The following INO80D variants were observed in gnomAD, a reference collection of about 807,000 sequenced individuals.
The protein encoded by INO80D is INO80 complex subunit D.
INO80D carries 21 observed loss-of-function variants against 87.6 expected under a neutral mutation model. That is an observed-to-expected ratio of 0.24 (90% CI 0.17 to 0.35). The LOEUF (loss-of-function observed/expected upper bound fraction) is 0.35. Among genes scored for constraint, INO80D ranks in the 10% least tolerant of loss-of-function variants. The pLI is 1.00. For missense variants in INO80D, 982 were observed against 1,280.7 expected, an observed-to-expected ratio of 0.77 and a Z score of 3.56; for synonymous variants, 440 against 491.0, an observed-to-expected ratio of 0.90 and a Z score of 1.37.
chr2:206,014,894 A>T (rs905972701), intron 8 of INO80D, among the ~76,000 whole-genome samples: 1 of 152,220 alleles, frequency 6.6e-6, no homozygotes, highest in African/African-American at 2.4e-5. Context: ...AGTGATATGG[A>T]CAATGAAATC....
At chr2:206,018,895 C>A (rs2105816954) in intron 7 of INO80D, among the ~76,000 whole-genome samples, 1 of 152,246 alleles carries the variant, frequency 6.6e-6, no homozygotes, top group Admixed American at 6.5e-5. Context: ...AGAGTGAGAT[C>A]CTGCCTCTAA....
chr2:206,042,700 T>C (rs1198259785), intron 5 of INO80D, among the ~76,000 whole-genome samples: 2 of 146,458 alleles, frequency 1.4e-5, no homozygotes, highest in Admixed American at 6.8e-5. Flanking sequence ...AAAAAGCCTT[T>C]AGGGCTGGGT....
chr2:206,064,258 C>T (rs1003640529), intron 1 of INO80D, among the ~76,000 whole-genome samples: 5 of 152,304 alleles, frequency 3.3e-5, no homozygotes, highest in African/African-American at 1.2e-4. Flanking sequence ...TACCAATCTA[C>T]ACGCAAAAGG....
intron 5 of INO80D, among the ~76,000 whole-genome samples, chr2:206,044,481 T>TAAAAA (rs55925923): frequency 5.1e-4 from 57 of 112,516 alleles, no homozygotes; most frequent in East Asian, 1.0e-3. Context: ...AAATACCTGT[T>TAAAAA]AAAAAAAAAA....
chr2:206,044,761 G>C (rs763188820), intron 5 of INO80D, among the ~76,000 whole-genome samples: 2 of 152,142 alleles, frequency 1.3e-5, no homozygotes, highest in Non-Finnish European at 2.9e-5. Context: ...ATTAAATTAA[G>C]AATGATAACT....
chr2:206,061,938 C>T (rs1689701063), intron 3 of INO80D, among the ~76,000 whole-genome samples: 1 of 152,144 alleles, frequency 6.6e-6, no homozygotes. Flanking sequence ...ATGTATCTCT[C>T]CATGAAGCCC....
Position 206,046,875 on chromosome 2 carries a change from G to A in INO80D, c.965-263C>T, listed in dbSNP as rs547582955. On this transcript the variant is annotated intron_variant, in intron 4 of 10. Transcript: ENST00000403263. ...TGGCTCACTGCAACCTCTGCCTCCC[G>A]GGTTCAGCGATTCTCCTGTCTCGGC... Among the ~76,000 whole-genome samples, 125 of 151,874 alleles carry A rather than the reference G, an allele frequency of 8.2e-4. 1 individual carries two copies. The highest frequency in any genetic ancestry group is 3.4e-3 in the Middle Eastern group (1 of 294).
At position 206,080,579 on chromosome 2, in the gene INO80D, T is replaced by C. The variant is rs1690248510; in HGVS notation, c.-124+5322A>G. On this transcript the variant is annotated intron_variant, in intron 1 of 10. Coordinates refer to ENST00000403263, the MANE Select transcript of INO80D (RefSeq NM_017759.5). ...ACTTATTAGTATTATTAATATATAC[T>C]GAGGCAAGAACTCATTAAAAATTCA... is the stretch of plus-strand genomic sequence containing the variant. Among the ~76,000 whole-genome samples the C allele has an allele frequency of 2.0e-5, 3 of 152,278 alleles. No individual in the cohort carries two copies. The South Asian group carries it at 6.2e-4, about 32-fold the overall frequency.
intron 5 of INO80D, among the ~76,000 whole-genome samples, chr2:206,029,304 G>GA (rs1430892333): frequency 6.6e-6 from 1 of 152,170 alleles, no homozygotes; most frequent in Non-Finnish European, 1.5e-5. Context: ...TGTCCTGGCT[G>GA]AAATGCTATG....
intron 3 of INO80D, among the ~76,000 whole-genome samples, chr2:206,060,856 G>A (rs908135786): frequency 4.6e-5 from 7 of 151,016 alleles, no homozygotes; most frequent in South Asian, 2.1e-4. Context: ...CACCGTGCCC[G>A]GCAACTTAGT....
chr2:206,022,271 G>C (rs568630610), intron 6 of INO80D, among the ~76,000 whole-genome samples: 1 of 152,090 alleles, frequency 6.6e-6, no homozygotes, highest in South Asian at 2.1e-4. Context: ...GGAGGCTGAG[G>C]TAGGAGAATC....
chr2:206,012,638 T>G (rs1174276972), intron 8 of INO80D, among the ~76,000 whole-genome samples: 1 of 151,954 alleles, frequency 6.6e-6, no homozygotes, highest in Non-Finnish European at 1.5e-5. Flanking sequence ...GAGGCCAAGG[T>G]GGGCAGATTA....
rs915494544 is a variant in INO80D, at chr2:206,085,248, GCCCGC to G, written c.-124+648_-124+652del. Among the ~76,000 whole-genome samples the G allele has an allele frequency of 3.3e-5, 5 of 151,808 alleles. No homozygotes were observed. Among genetic ancestry groups the G allele is most frequent in the Non-Finnish European group, 5.9e-5 (4 of 67,824 alleles). On this transcript the variant is annotated intron_variant, in intron 1 of 10. Coordinates refer to ENST00000403263, the MANE Select transcript of INO80D (RefSeq NM_017759.5). This position sits in a 1 kb window ranked among gnomAD's most constrained non-coding sequence, Gnocchi z 4.5. ...CACCCGACCCCACGCCCGCCAGGCCGCCCGCCCCGCCCCGCCCCGGCCTGGCCGTC... is the reference window on the plus strand; with the variant it reads ...CACCCGACCCCACGCCCGCCAGGCCGCCCGCCCCGCCCCGGCCTGGCCGTC...
At chr2:206,036,790 C>T (rs144113598) in intron 5 of INO80D, among the ~76,000 whole-genome samples, 284 of 152,234 alleles carry the variant, frequency 1.9e-3, no homozygotes, top group African/African-American at 6.0e-3. Context: ...TGTGGAAAGA[C>T]GCACTTGGAT....
At chr2:206,022,235 CG>C (rs997887081) in intron 6 of INO80D, among the ~76,000 whole-genome samples, 3 of 151,698 alleles carry the variant, frequency 2.0e-5, no homozygotes, top group Admixed American at 6.6e-5. Context: ...GGCATGGTGG[CG>C]GGCACCTGTA....
intron 5 of INO80D, among the ~76,000 whole-genome samples, chr2:206,032,291 G>A (rs1236166382): frequency 6.6e-6 from 1 of 152,214 alleles, no homozygotes; most frequent in African/African-American, 2.4e-5. Flanking sequence ...CCTCGGACAA[G>A]TTCTCAAGCC....
chr2:206,073,981 T>C (rs1219667959), intron 1 of INO80D, among the ~76,000 whole-genome samples: 1 of 152,126 alleles, frequency 6.6e-6, no homozygotes, highest in Non-Finnish European at 1.5e-5. Context: ...ACTGCTGGGA[T>C]TACAGGCGTG....
chr2:206,007,676 G>A (rs1466072649), intron 9 of INO80D, among the ~76,000 whole-genome samples: 1 of 152,016 alleles, frequency 6.6e-6, no homozygotes, highest in Non-Finnish European at 1.5e-5. Flanking sequence ...ACAAAAATTA[G>A]CTGGGCATGG....
rs1688356066 is a variant in INO80D, at chr2:206,017,701, A to G, written c.1521T>C (p.Cys507=). 2.5e-6 allele frequency: 4 copies of G among 1,603,426 alleles called. No homozygotes were observed. The highest frequency in any genetic ancestry group is 1.3e-5 in the African/African-American group (1 of 74,700). ...VFDITHQTPL[C]EEHAKKMDNF... Reference sequence around the variant, plus strand: ...TTACCATTTTTTTGGCATGTTCTTCACACAGAGGTGTCTGATGTGTAATGT... The same window carrying G: ...TTACCATTTTTTTGGCATGTTCTTCGCACAGAGGTGTCTGATGTGTAATGT... Residue 507 remains cysteine (C), a synonymous_variant, in exon 8 of 11, where the codon TGT becomes TGC. Coordinates refer to ENST00000403263, the MANE Select transcript of INO80D (RefSeq NM_017759.5).
Sources: gnomAD v4.1 joint callset for allele counts (sites outside exome capture counted in the v4.1 genomes callset) on GRCh38, gnomAD v4.1.1 for gene constraint, Gnocchi (gnomAD v3.1) non-coding constraint, MANE v1.5 for transcripts, NCBI Gene and HGNC (gene_info 2026-07-23, HGNC 2026-07-21) for gene names.